The following SOS2 variants were observed in gnomAD, a reference collection of about 807,000 sequenced individuals.
SOS2 encodes SOS Ras/Rho guanine nucleotide exchange factor 2, also known as son of sevenless homolog 2.
SOS2 carries 65 observed loss-of-function variants against 148.2 expected under a neutral mutation model. The observed-to-expected ratio is 0.44, with a 90% CI of 0.36 to 0.54. SOS2 has a LOEUF of 0.54. Ranked by LOEUF, SOS2 falls within the 20% of genes least tolerant of loss-of-function variation. The probability of loss-of-function intolerance (pLI) is 0.00; values close to 1 mark genes in which losing one functional copy is unlikely to be tolerated. For missense variants in SOS2, 1,341 were observed against 1,590.2 expected (o/e 0.84, Z 2.67); for synonymous variants, 539 against 537.1 (o/e 1.00, Z -0.05).
At position 50,185,137 on chromosome 14, in the gene SOS2, T is replaced by TCATGGGAA. The variant is rs1489409327; in HGVS notation, c.715-2539_715-2532dup. 9.9e-5 allele frequency among the ~76,000 whole-genome samples: 15 copies of TCATGGGAA among 152,080 alleles called. No individual in the cohort carries two copies. In the East Asian group the frequency reaches 2.7e-3, roughly 28 times the overall value. ...AAATTAATGGAACCCAAGGAGGGGG[T>TCATGGGAA]CATGGGAACTCCAATTTATAACTGA... On this transcript the variant is annotated intron_variant, in intron 5 of 22. Coordinates refer to ENST00000216373, the MANE Select transcript of SOS2 (RefSeq NM_006939.4).
At chr14:50,127,056 T>C (rs113508381) in intron 21 of SOS2, among the ~76,000 whole-genome samples, 93 of 151,998 alleles carry the variant, frequency 6.1e-4, no homozygotes, top group African/African-American at 1.6e-3. Flanking sequence ...CTTTTAGTAA[T>C]AGGATCCCAT....
At position 50,230,972 on chromosome 14, in the gene SOS2, A is replaced by T. The variant is rs1469266773; in HGVS notation, c.87+225T>A. On this transcript the variant is annotated intron_variant, in intron 1 of 22. Transcript: ENST00000216373. ...ACGAAATGACTGCAACATGAAATCC[A>T]GTTTTATGATCATAACAAAACCTTC... The T allele has an allele frequency of 3.2e-6, 3 of 937,680 alleles. No individual in the cohort carries two copies. The East Asian group carries it at 1.2e-4, about 37-fold the overall frequency. 58.1% of individuals were successfully genotyped at this position (937,680 alleles called of 1,614,324 possible). A position where few individuals can be genotyped will look rare whatever the true frequency, so the allele number is the denominator to read the frequency against.
At chr14:50,148,586 A>T (rs182400443) in intron 14 of SOS2, among the ~76,000 whole-genome samples, 1 of 152,132 alleles carries the variant, frequency 6.6e-6, no homozygotes, top group East Asian at 1.9e-4. Context: ...TTTTACCTCA[A>T]GTAACAAGTC....
At chr14:50,137,359 T>G (rs1209716889) in intron 18 of SOS2, among the ~76,000 whole-genome samples, 1 of 152,166 alleles carries the variant, frequency 6.6e-6, no homozygotes, top group Non-Finnish European at 1.5e-5. Context: ...ATAACGTTAT[T>G]TTGCTACATG....
chr14:50,230,134 T>C (rs1002299551), intron 1 of SOS2, among the ~76,000 whole-genome samples: 3 of 152,214 alleles, frequency 2.0e-5, no homozygotes, highest in African/African-American at 7.2e-5. Flanking sequence ...GCAACTCTCA[T>C]CGCATGAGGA....
At chr14:50,147,116 G>A (rs114888627) in intron 14 of SOS2, among the ~76,000 whole-genome samples, 1,963 of 151,874 alleles carry the variant, frequency 0.013, 39 homozygotes, top group African/African-American at 0.044. Flanking sequence ...AAGACTGCTT[G>A]AGCCTAGAGT....
At chr14:50,178,020 G>A (rs929851439) in intron 7 of SOS2, among the ~76,000 whole-genome samples, 3 of 152,066 alleles carry the variant, frequency 2.0e-5, no homozygotes, top group Non-Finnish European at 2.9e-5. Context: ...GAAAAACAGG[G>A]GCTGATAACA....
chr14:50,209,140 C>T (rs1886774047), intron 1 of SOS2, among the ~76,000 whole-genome samples: 1 of 152,184 alleles, frequency 6.6e-6, no homozygotes, highest in Non-Finnish European at 1.5e-5. Flanking sequence ...TTTATATCAT[C>T]AGCTCTTCTG....
rs750669586 is a variant in SOS2, at chr14:50,159,414, T to C, written c.1852+17A>G. 1.3e-6 allele frequency: 2 copies of C among 1,545,700 alleles called. No homozygotes were observed. Among genetic ancestry groups the C allele is most frequent in the Non-Finnish European group, 1.8e-6 (2 of 1,137,726 alleles). The stretch of plus-strand genomic sequence containing the variant: ...GTCCCAGGCCCTAGGTCAGCAGTTG[T>C]AATGAGTTTCACATACCTGCATACA... On this transcript the variant is annotated intron_variant, in intron 10 of 22. Coordinates refer to ENST00000216373, the MANE Select transcript of SOS2 (RefSeq NM_006939.4).
chr14:50,224,627 G>A (rs1318565768), intron 1 of SOS2, among the ~76,000 whole-genome samples: 2 of 152,122 alleles, frequency 1.3e-5, no homozygotes, highest in African/African-American at 4.8e-5. Flanking sequence ...GCTCACTCCT[G>A]TAATCCCAGA....
intron 4 of SOS2, among the ~76,000 whole-genome samples, chr14:50,197,342 C>T (rs1886341819): frequency 6.6e-6 from 1 of 152,160 alleles, no homozygotes; most frequent in Admixed American, 6.5e-5. Flanking sequence ...CAGATAACTC[C>T]TTAATCAAGT....
intron 4 of SOS2, among the ~76,000 whole-genome samples, chr14:50,197,927 T>C (rs914064869): frequency 2.6e-5 from 4 of 151,584 alleles, no homozygotes; most frequent in African/African-American, 9.7e-5. Context: ...TGACCTTAAG[T>C]GACCTGCCCG....
rs1268478008 is a variant in SOS2, at chr14:50,117,287, C to T, written c.*1057G>A. The T allele has an allele frequency of 1.3e-5, 2 of 152,072 alleles. No homozygotes were observed. The highest frequency in any genetic ancestry group is 2.9e-5 in the Non-Finnish European group (2 of 68,018). 9.4% of individuals were successfully genotyped at this position (152,072 alleles called of 1,614,324 possible). A position where few individuals can be genotyped will look rare whatever the true frequency, so the allele number is the denominator to read the frequency against. Reference sequence around the variant, plus strand: ...CAGCAAAACACTCTATCACTTTGAACGAAGGCATCCAAATGGCAAATAAAA... The same window carrying T: ...CAGCAAAACACTCTATCACTTTGAATGAAGGCATCCAAATGGCAAATAAAA... On this transcript the variant is annotated 3_prime_UTR_variant, in exon 23 of 23. Transcript: ENST00000216373.
At chr14:50,142,165 G>A (rs1884317995) in intron 16 of SOS2, among the ~76,000 whole-genome samples, 1 of 151,860 alleles carries the variant, frequency 6.6e-6, no homozygotes, top group African/African-American at 2.4e-5. Flanking sequence ...CCGCCAGCAT[G>A]CCTGGGTAAT....
intron 8 of SOS2, among the ~76,000 whole-genome samples, chr14:50,172,936 T>C (rs771440430): frequency 3.9e-5 from 6 of 152,228 alleles, no homozygotes; most frequent in Non-Finnish European, 8.8e-5. Context: ...AGAACTTCTG[T>C]CTACTTTCAG....
At chr14:50,199,877 T>G in intron 3 of SOS2, 22 bp from the exon 4 acceptor site, 1 of 1,482,424 alleles carries the variant, frequency 6.7e-7, no homozygotes, top group East Asian at 2.4e-5. Context: ...ATAAATAATT[T>G]AATTGCAAAA....
chr14:50,194,281 A>G (rs1290550185), intron 4 of SOS2, among the ~76,000 whole-genome samples: 1 of 152,158 alleles, frequency 6.6e-6, no homozygotes, highest in Admixed American at 6.6e-5. Flanking sequence ...AAAGCCTAAA[A>G]TATTTATCCC....
At position 50,122,688 on chromosome 14, in the gene SOS2, T is replaced by C. The variant is rs147035221; in HGVS notation, c.3380-2304A>G. On this transcript the variant is annotated intron_variant, in intron 21 of 22. Coordinates refer to ENST00000216373, the MANE Select transcript of SOS2 (RefSeq NM_006939.4). ...ACTTAACCAGTATATTTCTCCACGGTAGGCAATCAATAACCCTTGCTGAAG... is the reference window on the plus strand; with the variant it reads ...ACTTAACCAGTATATTTCTCCACGGCAGGCAATCAATAACCCTTGCTGAAG... Among the ~76,000 whole-genome samples the C allele has an allele frequency of 9.7e-4, 147 of 152,304 alleles. 1 individual carries two copies. In the East Asian group the frequency reaches 0.011, roughly 11 times the overall value.
chr14:50,145,940 G>C (rs532882610), intron 14 of SOS2, among the ~76,000 whole-genome samples: 1 of 152,104 alleles, frequency 6.6e-6, no homozygotes, highest in South Asian at 2.1e-4. Flanking sequence ...TTCGAGACCA[G>C]CCTGACCATC....
Sources: gnomAD v4.1 joint callset for allele counts (sites outside exome capture counted in the v4.1 genomes callset) on GRCh38, gnomAD v4.1.1 for gene constraint, MANE v1.5 for transcripts, NCBI Gene and HGNC (gene_info 2026-07-23, HGNC 2026-07-21) for gene names.